The following TAF4B variants were observed in gnomAD, a reference collection of about 807,000 sequenced individuals.
TAF4B encodes the protein TATA-box binding protein associated factor 4b.
A neutral mutation model predicts 86.4 loss-of-function variants in TAF4B; 38 were observed. The observed-to-expected ratio is 0.44, with a 90% confidence interval of 0.34 to 0.58. TAF4B has a LOEUF of 0.58. Among genes scored for constraint, TAF4B ranks in the 20% least tolerant of loss-of-function variants. The probability of loss-of-function intolerance (pLI) is 0.02; values close to 1 mark genes in which losing one functional copy is unlikely to be tolerated. For missense variants in TAF4B, 988 were observed against 1,027.6 expected, an observed-to-expected ratio of 0.96 and a Z score of 0.53; for synonymous variants, 388 against 391.2, an observed-to-expected ratio of 0.99 and a Z score of 0.10.
intron 14 of TAF4B, among the ~76,000 whole-genome samples, chr18:26,361,101 T>C (rs951257662): frequency 6.6e-6 from 1 of 152,036 alleles, no homozygotes; most frequent in East Asian, 1.9e-4. Flanking sequence ...ATCTTATTTT[T>C]ACGTGTATAA....
chr18:26,388,100 G>T (rs903891789), intron 14 of TAF4B, among the ~76,000 whole-genome samples: 25 of 152,308 alleles, frequency 1.6e-4, no homozygotes, highest in African/African-American at 6.0e-4. Flanking sequence ...TGTCTTTCGG[G>T]TGGATAAAAG....
At chr18:26,353,287 A>T (rs2057259506) in intron 13 of TAF4B, among the ~76,000 whole-genome samples, 1 of 152,238 alleles carries the variant, frequency 6.6e-6, no homozygotes, top group Non-Finnish European at 1.5e-5. Flanking sequence ...TAGAAATGAA[A>T]AGTTGCTTTA....
intron 1 of TAF4B, among the ~76,000 whole-genome samples, chr18:26,261,604 C>A (rs150444055): frequency 6.6e-6 from 1 of 152,330 alleles, no homozygotes; most frequent in East Asian, 1.9e-4. Context: ...TCATTGCCAG[C>A]TGATTGCCCT....
At chr18:26,250,477 A>G (rs1168297791) in intron 1 of TAF4B, among the ~76,000 whole-genome samples, 1 of 147,460 alleles carries the variant, frequency 6.8e-6, no homozygotes, top group Non-Finnish European at 1.5e-5. Context: ...AGCCTGGGCA[A>G]CAGAGCGAGA....
chr18:26,357,046 C>T (rs1439482190), intron 13 of TAF4B, among the ~76,000 whole-genome samples: 1 of 152,074 alleles, frequency 6.6e-6, no homozygotes, highest in Non-Finnish European at 1.5e-5. Context: ...CTTTTATTTG[C>T]AAATGAGAAA....
At chr18:26,310,336 A>T (rs566873636) in intron 9 of TAF4B, among the ~76,000 whole-genome samples, 1 of 152,332 alleles carries the variant, frequency 6.6e-6, no homozygotes, top group East Asian at 1.9e-4. Flanking sequence ...TGTGTGTTTG[A>T]CATTGAGACC....
intron 1 of TAF4B, among the ~76,000 whole-genome samples, chr18:26,232,319 C>T (rs1194648227): frequency 6.6e-6 from 1 of 152,140 alleles, no homozygotes; most frequent in Admixed American, 6.5e-5. Context: ...AGAAGGGGCC[C>T]TGCAGTTGTA....
intron 6 of TAF4B, 107 bp downstream of exon 6, chr18:26,282,167 C>T: frequency 1.1e-6 from 1 of 919,506 alleles, no homozygotes; most frequent in Non-Finnish European, 1.7e-6. Context: ...AAGATACTGA[C>T]AGTGTGGGAG....
At chr18:26,343,614 C>T (rs763768732) in intron 13 of TAF4B, among the ~76,000 whole-genome samples, 3 of 152,186 alleles carry the variant, frequency 2.0e-5, no homozygotes, top group South Asian at 2.1e-4. Flanking sequence ...CTAGAATACC[C>T]AGAGTTTCAT....
chr18:26,315,095 A>ACACTCT (rs765549230), intron 9 of TAF4B, 134 bp from the exon 10 acceptor site: 3 of 220,306 alleles, frequency 1.4e-5, no homozygotes, highest in African/African-American at 1.1e-4. Context: ...GCTCTCTGAA[A>ACACTCT]CTCTCTCTCT....
At chr18:26,329,026 T>C (rs142069034) in intron 12 of TAF4B, among the ~76,000 whole-genome samples, 34 of 152,122 alleles carry the variant, frequency 2.2e-4, no homozygotes, top group African/African-American at 8.2e-4. Flanking sequence ...TTCTTTCTTC[T>C]TCTCTCCTCC....
chr18:26,320,780 A>G (rs181495934), intron 10 of TAF4B, among the ~76,000 whole-genome samples: 180 of 152,296 alleles, frequency 1.2e-3, no homozygotes, highest in African/African-American at 3.9e-3. Flanking sequence ...TCCCTGAACA[A>G]TAGACTTGAT....
At chr18:26,301,221 C>CT (rs2056728038) in intron 9 of TAF4B, among the ~76,000 whole-genome samples, 1 of 151,184 alleles carries the variant, frequency 6.6e-6, no homozygotes, top group African/African-American at 2.4e-5. Flanking sequence ...TTGTTTGCCT[C>CT]TATGTTCTTG....
At chr18:26,341,267 C>T (rs2057132861) in intron 13 of TAF4B, among the ~76,000 whole-genome samples, 1 of 151,778 alleles carries the variant, frequency 6.6e-6, no homozygotes. Flanking sequence ...TAGGGGAAGG[C>T]GAGGCATAAA....
chr18:26,354,398 A>G lies in TAF4B; in HGVS notation c.2317-3292A>G, dbSNP rs544895941. Among the ~76,000 whole-genome samples, 5 of 152,366 alleles carry G rather than the reference A, an allele frequency of 3.3e-5. No individual in the cohort carries two copies. The East Asian group carries it at 5.8e-4, about 18-fold the overall frequency. On this transcript the variant is annotated intron_variant, in intron 13 of 14. Transcript: ENST00000269142. ...CACAACTTTTGTGTAAAAGACTGCC[A>G]GACACTAAAGTGGTAAGAATAGACT...
chr18:26,280,523 A>G (rs1296325637), intron 5 of TAF4B, among the ~76,000 whole-genome samples: 2 of 152,232 alleles, frequency 1.3e-5, no homozygotes, highest in Admixed American at 6.5e-5. Flanking sequence ...TGAAAAGAAG[A>G]CATACAAGCA....
intron 13 of TAF4B, among the ~76,000 whole-genome samples, chr18:26,341,645 C>G (rs60100417): frequency 0.11 from 17,096 of 151,974 alleles, 984 homozygotes; most frequent in African/African-American, 0.14. Flanking sequence ...TTCCAGGAAT[C>G]TCAGATGTTC....
intron 9 of TAF4B, among the ~76,000 whole-genome samples, chr18:26,305,155 G>A (rs915879442): frequency 1.3e-5 from 2 of 152,042 alleles, no homozygotes; most frequent in South Asian, 2.1e-4. Flanking sequence ...TGTGCCTTCT[G>A]TATCTTCTTC....
In TAF4B at chr18:26,286,085, A is replaced by T; in HGVS notation, c.1176A>T (p.Ser392=). Reference sequence around the variant, plus strand: ...GAGCAACAGCACCCAGAACTGTGTCAGTGCAAACTTTGAACCCACTTGCTG... The same window carrying T: ...GAGCAACAGCACCCAGAACTGTGTCTGTGCAAACTTTGAACCCACTTGCTG... ...VSGATAPRTV[S]VQTLNPLAGP... is the part of the protein sequence containing the mutation. The change falls in exon 7 of 15, where the codon TCA becomes TCT. Residue 392 remains serine, a synonymous_variant. Transcript: ENST00000269142. 6.2e-7 allele frequency: 1 copy of T among 1,614,234 alleles called. No homozygotes were observed. Among genetic ancestry groups the T allele is most frequent in the Non-Finnish European group, 8.5e-7 (1 of 1,180,036 alleles).
Sources: gnomAD v4.1 joint callset for allele counts (sites outside exome capture counted in the v4.1 genomes callset) on GRCh38, gnomAD v4.1.1 for gene constraint, MANE v1.5 for transcripts, NCBI Gene and HGNC (gene_info 2026-07-23, HGNC 2026-07-21) for gene names.